RAB11FIP1: variants seen among roughly 807,000 people sequenced by gnomAD.
RAB11FIP1 encodes RAB11 family interacting protein 1, also known as rab11 family-interacting protein 1.
In RAB11FIP1, 49 loss-of-function variants were observed where a neutral mutation model predicts 83.1. The ratio of observed to expected loss-of-function variants is 0.59; its 90% confidence interval spans 0.47 to 0.75. The LOEUF is 0.75. Among genes scored for constraint, RAB11FIP1 ranks in the 30% least tolerant of loss-of-function variants. RAB11FIP1 has a pLI of 0.00. For missense variants in RAB11FIP1, 1,536 were observed against 1,598.7 expected, an observed-to-expected ratio of 0.96 and a Z score of 0.67; for synonymous variants, 670 against 656.0, an observed-to-expected ratio of 1.02 and a Z score of -0.33.
intron 5 of RAB11FIP1, among the ~76,000 whole-genome samples, chr8:37,866,293 C>A (rs1806340986): frequency 2.6e-5 from 4 of 151,874 alleles, no homozygotes; most frequent in Admixed American, 2.6e-4. Context: ...CAAGATCGTG[C>A]CACTGCACTC....
intron 1 of RAB11FIP1, among the ~76,000 whole-genome samples, chr8:37,896,490 TAAGA>T (rs1807094045): frequency 6.6e-6 from 1 of 151,988 alleles, no homozygotes; most frequent in South Asian, 2.1e-4. Flanking sequence ...GCAGTTATTT[TAAGA>T]AAGAAAAAAA....
intron 5 of RAB11FIP1, among the ~76,000 whole-genome samples, chr8:37,864,501 C>T (rs998928057): frequency 5.3e-5 from 8 of 152,182 alleles, no homozygotes; most frequent in African/African-American, 1.9e-4. Context: ...AAGAGACTAC[C>T]TTCTCCAAGA....
At chr8:37,874,402 G>T in intron 3 of RAB11FIP1, 113 bp downstream of exon 3, 1 of 815,502 alleles carries the variant, frequency 1.2e-6, no homozygotes, top group Non-Finnish European at 2.0e-6. Flanking sequence ...GCAAACCTTT[G>T]GCATATATGG....
chr8:37,888,103 T>C (rs1034420201), intron 1 of RAB11FIP1, among the ~76,000 whole-genome samples: 1 of 152,240 alleles, frequency 6.6e-6, no homozygotes, highest in Admixed American at 6.5e-5. Context: ...TCCAAAATTA[T>C]GTATCTGTTT....
chr8:37,887,301 C>T (rs1166898273), intron 1 of RAB11FIP1, among the ~76,000 whole-genome samples: 11 of 152,176 alleles, frequency 7.2e-5, no homozygotes, highest in South Asian at 4.1e-4. Context: ...GAGGCCGAGG[C>T]GGGCAGATCA....
At position 37,877,686 on chromosome 8, in the gene RAB11FIP1, G is replaced by A. The variant is rs552086831; in HGVS notation, c.372-135C>T. On this transcript the variant is annotated intron_variant, in intron 1 of 5. Coordinates refer to ENST00000330843, the MANE Select transcript of RAB11FIP1 (RefSeq NM_001002814.3). ...CATGCATTCTCATGCTTTCTCTTCG[G>A]GAAGTGGTAGATGAGAGCAGAATTT... is the stretch of plus-strand genomic sequence containing the variant. 1.0e-5 allele frequency: 6 copies of A among 598,170 alleles called. No homozygotes were observed. The Admixed American group carries it at 1.3e-4, about 12-fold the overall frequency. 37.1% of individuals were successfully genotyped at this position (598,170 alleles called of 1,614,324 possible).
rs368435417 is a variant in RAB11FIP1, at chr8:37,863,028, G to T, written c.3719C>A (p.Thr1240Lys). 1 of 1,613,412 alleles carries T rather than the reference G, an allele frequency of 6.2e-7. No homozygotes were observed. The highest frequency in any genetic ancestry group is 1.3e-5 in the African/African-American group (1 of 74,924). The change falls in exon 6 of 6, where the codon ACG becomes AAG. Residue 1240 changes from threonine to lysine, a missense_variant. Transcript: ENST00000330843. ...GACCTGGAACTCCTTCTTGCTTATC[G>T]TTTCCTTCTGTTTGAGGACCAGCTG... ...LIQLVLKQKE[T>K]ISKKEFQVRE... is the part of the protein sequence containing the mutation.
In RAB11FIP1 at chr8:37,877,494, C is replaced by T. The variant is rs1369875266; in HGVS notation, c.429G>A (p.Glu143=). ...TGTTTCTCATAAACTGGATGTCAACCTCAATTTCTCCTCGCTCCTTGTCCT... is the reference window on the plus strand; with the variant it reads ...TGTTTCTCATAAACTGGATGTCAACTTCAATTTCTCCTCGCTCCTTGTCCT... ...GKKDKERGEI[E]VDIQFMRNNM... The change falls in exon 2 of 6, where the codon GAG becomes GAA. Residue 143 remains glutamate (E), a synonymous_variant. Transcript: ENST00000330843. 1 of 1,612,904 alleles carries T rather than the reference C, an allele frequency of 6.2e-7. No individual in the cohort carries two copies. Among genetic ancestry groups the T allele is most frequent in the Non-Finnish European group, 8.5e-7 (1 of 1,179,946 alleles).
rs775206179 is a variant in RAB11FIP1, at chr8:37,874,871, T to G, written c.1266A>C (p.Glu422Asp). 3.7e-6 allele frequency: 6 copies of G among 1,614,126 alleles called. No individual in the cohort carries two copies. The highest frequency in any genetic ancestry group is 1.6e-4 in the Middle Eastern group (1 of 6,062). The change falls in exon 3 of 6, where the codon GAA becomes GAC. Residue 422 changes from glutamate to aspartate, a missense_variant. Coordinates refer to ENST00000330843, the MANE Select transcript of RAB11FIP1 (RefSeq NM_001002814.3). ...TCTCTGGCTTCTTGCTCTCCTTAGC[T>G]TCTTTTGTGGCCTCTGAGTTTGCGG... is the stretch of plus-strand genomic sequence containing the variant. ...MAPANSEATK[E>D]AKESKKPESR...
At position 37,875,029 on chromosome 8, in the gene RAB11FIP1, C is replaced by T; in HGVS notation, c.1108G>A (p.Ala370Thr). 6.2e-7 allele frequency: 1 copy of T among 1,614,170 alleles called. No homozygotes were observed. Among genetic ancestry groups the T allele is most frequent in the Non-Finnish European group, 8.5e-7 (1 of 1,180,038 alleles). The change falls in exon 3 of 6, where the codon GCT becomes ACT. Residue 370 changes from alanine (A) to threonine (T), a missense_variant. Physicochemically the swap from Ala to Thr is moderately conservative, Grantham distance 58. Transcript: ENST00000330843. ...TCAGAAGACAGCCCACCTCCTTCAGCAGGCTCCTTCCAAGACCCAGCCGCC... is the reference window on the plus strand; with the variant it reads ...TCAGAAGACAGCCCACCTCCTTCAGTAGGCTCCTTCCAAGACCCAGCCGCC... ...NLAAGSWKEP[A>T]EGGGLSSDRQ...
In RAB11FIP1 at chr8:37,860,413, C is replaced by G. The variant is rs1191944623; in HGVS notation, c.*2482G>C. The stretch of plus-strand genomic sequence containing the variant: ...CTGGAGTGCAATGATGTGATCTCAG[C>G]TCACTGCAACCTCCACCTCCCTGGC... On this transcript the variant is annotated 3_prime_UTR_variant, in exon 6 of 6. Transcript: ENST00000330843. 1 of 152,338 alleles carries G rather than the reference C, an allele frequency of 6.6e-6. No individual in the cohort carries two copies. The highest frequency in any genetic ancestry group is 1.5e-5 in the Non-Finnish European group (1 of 68,130). 9.4% of individuals were successfully genotyped at this position (152,338 alleles called of 1,614,324 possible). A position where few individuals can be genotyped will look rare whatever the true frequency, so the allele number is the denominator to read the frequency against.
Position 37,874,815 on chromosome 8 carries a change from G to A in RAB11FIP1, c.1322C>T (p.Thr441Met), listed in dbSNP as rs142494589. Residue 441 changes from threonine to methionine, a missense_variant, in exon 3 of 6, where the codon ACG becomes ATG. Transcript: ENST00000330843. The stretch of plus-strand genomic sequence containing the variant: ...GCCCTTAGCCACATCCTTCTTCCCC[G>A]TCATCAGAGACAGCAAAGAGGACCT... ...SRRSSLLSLM[T>M]GKKDVAKGSE... 8.0e-4 allele frequency: 1,293 copies of A among 1,614,050 alleles called. 10 individuals are homozygous for A. The African/African-American group carries it at 0.014, about 18-fold the overall frequency.
At chr8:37,880,442 G>A (rs900729755) in intron 1 of RAB11FIP1, among the ~76,000 whole-genome samples, 1 of 152,058 alleles carries the variant, frequency 6.6e-6, no homozygotes, top group African/African-American at 2.4e-5. Flanking sequence ...GGGACTACAG[G>A]TATATGCCAC....
rs943416724 is a variant in RAB11FIP1 at position 37,879,439 on chromosome 8, C to T, written c.372-1888G>A. Reference sequence around the variant, plus strand: ...AGTCAGAAAGTAGAATGGTGATTGCCGGAGGAGGGGAAGGAGAGAATGAGG... The same window carrying T: ...AGTCAGAAAGTAGAATGGTGATTGCTGGAGGAGGGGAAGGAGAGAATGAGG... On this transcript the variant is annotated intron_variant, in intron 1 of 5. Transcript: ENST00000330843. Among the ~76,000 whole-genome samples the T allele has an allele frequency of 3.3e-5, 5 of 152,118 alleles. No individual in the cohort carries two copies. The South Asian group carries it at 6.2e-4, about 19-fold the overall frequency.
Position 37,873,463 on chromosome 8 carries a change from G to A in RAB11FIP1, c.1623-284C>T, listed in dbSNP as rs138201005. On this transcript the variant is annotated intron_variant, in intron 3 of 5. Transcript: ENST00000330843. ...CTACTGAAAAATGCAAAAATTAGCC[G>A]GGTGTGGTGGTGTGCACCTGTAGTC... Among the ~76,000 whole-genome samples, 223 of 152,190 alleles carry A rather than the reference G, an allele frequency of 1.5e-3. 1 individual carries two copies. The highest frequency in any genetic ancestry group is 5.1e-3 in the African/African-American group (210 of 41,512).
Position 37,899,133 on chromosome 8 carries a change from G to A in RAB11FIP1, c.309C>T (p.Phe103=). 1 of 1,542,754 alleles carries A rather than the reference G, an allele frequency of 6.5e-7. No homozygotes were observed. The highest frequency in any genetic ancestry group is 8.7e-7 in the Non-Finnish European group (1 of 1,154,188). ...LHRALLGLDK[F]LGRAEVDLRD... is the part of the protein sequence containing the mutation. ...GCAGGTCCACCTCGGCGCGGCCCAGGAACTTGTCGAGGCCGAGCAGCGCGC... is the reference window on the plus strand; with the variant it reads ...GCAGGTCCACCTCGGCGCGGCCCAGAAACTTGTCGAGGCCGAGCAGCGCGC... The change falls in exon 1 of 6, where the codon TTC becomes TTT. Residue 103 remains phenylalanine (F), a synonymous_variant. Coordinates refer to ENST00000330843, the MANE Select transcript of RAB11FIP1 (RefSeq NM_001002814.3). This position sits in a 1 kb window ranked among gnomAD's most constrained non-coding sequence, Gnocchi z 4.5.
rs374449069 is a variant in RAB11FIP1, at chr8:37,870,371, G to A, written c.3633+49C>T. On this transcript the variant is annotated intron_variant, in intron 5 of 5. Transcript: ENST00000330843. ...GTATACGATGGTGACTATGGAAACG[G>A]GTGTTCTGTCAATCCCTAACGAACA... The A allele has an allele frequency of 3.6e-5, 39 of 1,079,188 alleles. No homozygotes were observed. The African/African-American group carries it at 5.6e-4, about 15-fold the overall frequency. The allele number at this position is 1,079,188 out of a possible 1,614,324, so 66.9% of individuals were successfully genotyped here.
intron 1 of RAB11FIP1, among the ~76,000 whole-genome samples, chr8:37,892,058 G>A (rs1806956719): frequency 6.6e-6 from 1 of 152,180 alleles, no homozygotes; most frequent in Admixed American, 6.5e-5. Context: ...TGGTATCACA[G>A]TGACTGTAAG....
chr8:37,871,620 C>G lies in RAB11FIP1; in HGVS notation c.3182G>C (p.Ser1061Thr), dbSNP rs1460898637. Reference protein sequence around the residue: ...IHKPHLGKSSSLDKQLPGPSG... With the variant: ...IHKPHLGKSSTLDKQLPGPSG... ...GGGGCCTGGCAGCTGTTTATCCAAG[C>G]TTGAGCTCTTGCCAAGATGTGGTTT... The change falls in exon 4 of 6, where the codon AGC becomes ACC. Residue 1061 changes from serine to threonine, a missense_variant. Coordinates refer to ENST00000330843, the MANE Select transcript of RAB11FIP1 (RefSeq NM_001002814.3). The G allele has an allele frequency of 6.2e-7, 1 of 1,606,490 alleles. No homozygotes were observed. The highest frequency in any genetic ancestry group is 1.1e-5 in the South Asian group (1 of 90,638).
Sources: gnomAD v4.1 joint callset for allele counts (sites outside exome capture counted in the v4.1 genomes callset) on GRCh38, gnomAD v4.1.1 for gene constraint, Gnocchi (gnomAD v3.1) non-coding constraint, MANE v1.5 for transcripts, NCBI Gene and HGNC (gene_info 2026-07-23, HGNC 2026-07-21) for gene names.